NET1: variants seen among roughly 807,000 people sequenced by gnomAD.
NET1 encodes the protein neuroepithelial cell transforming 1.
A neutral mutation model predicts 61.1 loss-of-function variants in NET1; 42 were observed. The ratio of observed to expected loss-of-function variants is 0.69; its 90% CI spans 0.54 to 0.89. The LOEUF (loss-of-function observed/expected upper bound fraction) is 0.89. Among genes scored for constraint, NET1 ranks in the 40% least tolerant of loss-of-function variants. NET1 has a pLI of 0.00. For missense variants in NET1, 654 were observed against 747.3 expected, an observed-to-expected ratio of 0.88 and a Z score of 1.46; for synonymous variants, 254 against 281.8, an observed-to-expected ratio of 0.90 and a Z score of 0.99.
rs771263553 is a variant in NET1, at chr10:5,454,230, G to A, written c.769-35G>A. ...TTGTTAATGCACTCGGTCATAACAG[G>A]AACACATCATACCTTTTCTTTTATT... On this transcript the variant is annotated intron_variant, in intron 8 of 11. Transcript: ENST00000355029. This position sits in a 1 kb window ranked among gnomAD's most constrained non-coding sequence, Gnocchi z 8.1. The A allele has an allele frequency of 1.9e-6, 3 of 1,590,652 alleles. No individual in the cohort carries two copies. The East Asian group carries it at 6.7e-5, about 36-fold the overall frequency.
Position 5,426,251 on chromosome 10 carries a change from T to G in NET1, c.129-404T>G, listed in dbSNP as rs1364443874. On this transcript the variant is annotated intron_variant, in intron 1 of 11. Transcript: ENST00000355029. The surrounding 1 kb of genome is among the most constrained non-coding windows in gnomAD (Gnocchi z 4.6). Reference sequence around the variant, plus strand: ...GTTAAGAGTATCCTTTTATTTTTGTTTTTTAAAATACTATACGTGAATATG... The same window carrying G: ...GTTAAGAGTATCCTTTTATTTTTGTGTTTTAAAATACTATACGTGAATATG... Among the ~76,000 whole-genome samples, 1 of 152,182 alleles carries G rather than the reference T, an allele frequency of 6.6e-6. No homozygotes were observed. The highest frequency in any genetic ancestry group is 1.9e-4 in the East Asian group (1 of 5,202).
Position 5,453,152 on chromosome 10 carries a change from G to A in NET1, c.595-98G>A, listed in dbSNP as rs898464082. 1.5e-4 allele frequency: 120 copies of A among 810,454 alleles called. No homozygotes were observed. The highest frequency in any genetic ancestry group is 2.8e-4 in the Middle Eastern group (1 of 3,518). 50.2% of individuals were successfully genotyped at this position (810,454 alleles called of 1,614,324 possible). A position where few individuals can be genotyped will look rare whatever the true frequency, so the allele number is the denominator to read the frequency against. On this transcript the variant is annotated intron_variant, in intron 6 of 11. Transcript: ENST00000355029. The surrounding 1 kb of genome is among the most constrained non-coding windows in gnomAD (Gnocchi z 4.9). ...TTTATGTGTAGCAAACAGAATCCAC[G>A]CTAGCTTTTATGTAATTAATTCTCT...
chr10:5,445,131 A>C (rs2119201629), intron 3 of NET1, among the ~76,000 whole-genome samples: 1 of 152,080 alleles, frequency 6.6e-6, no homozygotes, highest in African/African-American at 2.4e-5. Flanking sequence ...TATCTCTCTC[A>C]CCTATTGAGT....
In NET1 at chr10:5,452,625, A is replaced by C. The variant is rs180982299; in HGVS notation, c.531+100A>C. 45 of 1,257,184 alleles carry C rather than the reference A, an allele frequency of 3.6e-5. No homozygotes were observed. The African/African-American group carries it at 6.5e-4, about 18-fold the overall frequency. 77.9% of individuals were successfully genotyped at this position (1,257,184 alleles called of 1,614,324 possible). A position where few individuals can be genotyped will look rare whatever the true frequency, so the allele number is the denominator to read the frequency against. On this transcript the variant is annotated intron_variant, in intron 5 of 11. Transcript: ENST00000355029. This position sits in a 1 kb window ranked among gnomAD's most constrained non-coding sequence, Gnocchi z 4.0. ...TTTTGTGTTTGAGCAACAATTCCTAATACATGGTGAACAAAACCTAATGAT... is the reference window on the plus strand; with the variant it reads ...TTTTGTGTTTGAGCAACAATTCCTACTACATGGTGAACAAAACCTAATGAT...
chr10:5,412,665 G>A lies in NET1; in HGVS notation c.-28G>A. 1 of 1,454,540 alleles carries A rather than the reference G, an allele frequency of 6.9e-7. No homozygotes were observed. Among genetic ancestry groups the A allele is most frequent in the Middle Eastern group, 2.3e-4 (1 of 4,298 alleles). 90.1% of individuals were successfully genotyped at this position (1,454,540 alleles called of 1,614,324 possible). On this transcript the variant is annotated 5_prime_UTR_variant, in exon 1 of 12. Coordinates refer to ENST00000355029, the MANE Select transcript of NET1 (RefSeq NM_001047160.3). This position sits in a 1 kb window ranked among gnomAD's most constrained non-coding sequence, Gnocchi z 6.5. ...TCCCTGCCGGTCTCCCGGGCACCCG[G>A]CCACCGCCCCACCCCCTCCTCCGTG...
At chr10:5,429,817 C>G (rs532523390) in intron 3 of NET1, among the ~76,000 whole-genome samples, 2 of 152,146 alleles carry the variant, frequency 1.3e-5, no homozygotes, top group Non-Finnish European at 2.9e-5. Flanking sequence ...TTTGGAATTA[C>G]TAACATCATT....
chr10:5,413,406 C>A (rs1832033773), intron 1 of NET1, among the ~76,000 whole-genome samples: 1 of 152,166 alleles, frequency 6.6e-6, no homozygotes, highest in Non-Finnish European at 1.5e-5. Context: ...TCATCACAAC[C>A]ATTTTCGTGT....
At chr10:5,413,692 TGG>T (rs1385178750) in intron 1 of NET1, among the ~76,000 whole-genome samples, 1 of 152,202 alleles carries the variant, frequency 6.6e-6, no homozygotes, top group Non-Finnish European at 1.5e-5. Context: ...AAATTAAATT[TGG>T]TAATGAGAAG....
chr10:5,454,506 A>T lies in NET1; in HGVS notation c.1010A>T (p.Gln337Leu), dbSNP rs1328752255. The T allele has an allele frequency of 3.7e-6, 6 of 1,613,392 alleles. No individual in the cohort carries two copies. In the African/African-American group the frequency reaches 8.0e-5, roughly 22 times the overall value. Residue 337 changes from glutamine to leucine, a missense_variant, in exon 9 of 12, where the codon CAG (glutamine) becomes CTG (leucine). By Grantham distance (113) the Gln-to-Leu change is moderately radical (BLOSUM62 -2). Transcript: ENST00000355029. This position sits in a 1 kb window ranked among gnomAD's most constrained non-coding sequence, Gnocchi z 8.1. The part of the protein sequence containing the change: ...KHTPKEHPDV[Q>L]LLEDAILIIQ... Reference sequence around the variant, plus strand: ...ACTCCAAAAGAGCACCCTGATGTTCAGCTTCTGGAGGATGCTGTAAGTAGT... The same window carrying T: ...ACTCCAAAAGAGCACCCTGATGTTCTGCTTCTGGAGGATGCTGTAAGTAGT...
At position 5,440,487 on chromosome 10, in the gene NET1, G is replaced by A. The variant is rs1182898257; in HGVS notation, c.255+11258G>A. On this transcript the variant is annotated intron_variant, in intron 3 of 11. Transcript: ENST00000355029. This position sits in a 1 kb window ranked among gnomAD's most constrained non-coding sequence, Gnocchi z 4.1. ...ATTTACCACAGTCCACCTCATTATTGTAAGAGGCACTCAGATAAACAGAAT... is the reference window on the plus strand; with the variant it reads ...ATTTACCACAGTCCACCTCATTATTATAAGAGGCACTCAGATAAACAGAAT... 6.6e-6 allele frequency among the ~76,000 whole-genome samples: 1 copy of A among 152,154 alleles called. No homozygotes were observed. The highest frequency in any genetic ancestry group is 2.4e-5 in the African/African-American group (1 of 41,416).
At position 5,425,275 on chromosome 10, in the gene NET1, AAC is replaced by A. The variant is rs1398407977; in HGVS notation, c.129-1378_129-1377del. Among the ~76,000 whole-genome samples the A allele has an allele frequency of 9.4e-4, 143 of 152,248 alleles. 1 individual carries two copies. The highest frequency in any genetic ancestry group is 3.2e-3 in the African/African-American group (134 of 41,542). ...TTGTCGGAAAAAAAACAAAAACAAC[AAC>A]AACAACAAAATTTCTCCTTCATATT... On this transcript the variant is annotated intron_variant, in intron 1 of 11. Coordinates refer to ENST00000355029, the MANE Select transcript of NET1 (RefSeq NM_001047160.3).
Position 5,416,791 on chromosome 10 carries a change from G to A in NET1, c.128+3971G>A, listed in dbSNP as rs1832088737. Among the ~76,000 whole-genome samples the A allele has an allele frequency of 6.6e-6, 1 of 152,164 alleles. No individual in the cohort carries two copies. Among genetic ancestry groups the A allele is most frequent in the Non-Finnish European group, 1.5e-5 (1 of 68,036 alleles). On this transcript the variant is annotated intron_variant, in intron 1 of 11. Transcript: ENST00000355029. This position sits in a 1 kb window ranked among gnomAD's most constrained non-coding sequence, Gnocchi z 6.1. ...GGGAACATATAGATAGGCAGGCTGT[G>A]GGGCTCCAACCCCATAGCCATGTCT... is the stretch of plus-strand genomic sequence containing the variant.
In NET1 at chr10:5,452,940, T is replaced by G; in HGVS notation, c.594+20T>G. 1 of 1,464,382 alleles carries G rather than the reference T, an allele frequency of 6.8e-7. No homozygotes were observed. The highest frequency in any genetic ancestry group is 9.6e-7 in the Non-Finnish European group (1 of 1,045,192). 90.7% of individuals were successfully genotyped at this position (1,464,382 alleles called of 1,614,324 possible). On this transcript the variant is annotated intron_variant, in intron 6 of 11. Transcript: ENST00000355029. The surrounding 1 kb of genome is among the most constrained non-coding windows in gnomAD (Gnocchi z 4.0). ...AGAAAGGTCAGTAAATAACTTTTTA[T>G]CAGATGCCCTAGTTTTTAAAAATTA...
At position 5,453,436 on chromosome 10, in the gene NET1, T is replaced by C; in HGVS notation, c.692-48T>C. The C allele has an allele frequency of 6.2e-7, 1 of 1,601,376 alleles. No homozygotes were observed. Among genetic ancestry groups the C allele is most frequent in the Non-Finnish European group, 8.6e-7 (1 of 1,168,388 alleles). On this transcript the variant is annotated intron_variant, in intron 7 of 11. Coordinates refer to ENST00000355029, the MANE Select transcript of NET1 (RefSeq NM_001047160.3). This position sits in a 1 kb window ranked among gnomAD's most constrained non-coding sequence, Gnocchi z 4.9. The stretch of plus-strand genomic sequence containing the variant: ...AACTTCTAATGTAGTGCTGACCTAT[T>C]TTTTAAATAAACCTGTTAATGGTGT...
intron 3 of NET1, among the ~76,000 whole-genome samples, chr10:5,436,742 G>A (rs1832444561): frequency 6.6e-6 from 1 of 152,084 alleles, no homozygotes; most frequent in Admixed American, 6.5e-5. Flanking sequence ...ACCATGACAG[G>A]TAATTTGATC....
chr10:5,453,500 A>G lies in NET1; in HGVS notation c.708A>G (p.Ile236Met). Residue 236 changes from isoleucine to methionine, a missense_variant, in exon 8 of 12, where the codon ATA becomes ATG. By Grantham distance (10) the Ile-to-Met change is conservative (BLOSUM62 1). Coordinates refer to ENST00000355029, the MANE Select transcript of NET1 (RefSeq NM_001047160.3). This position sits in a 1 kb window ranked among gnomAD's most constrained non-coding sequence, Gnocchi z 4.9. Reference sequence around the variant, plus strand: ...TCACTTCAGATTTGTTGACAAGAATAGGAGAAGCAACCAAGCCTGATGGAA... The same window carrying G: ...TCACTTCAGATTTGTTGACAAGAATGGGAGAAGCAACCAAGCCTGATGGAA... ...IPLHEDLLTR[I>M]GEATKPDGTV... 1 of 1,614,188 alleles carries G rather than the reference A, an allele frequency of 6.2e-7. No individual in the cohort carries two copies. Among genetic ancestry groups the G allele is most frequent in the South Asian group, 1.1e-5 (1 of 91,080 alleles).
At position 5,420,261 on chromosome 10, in the gene NET1, A is replaced by G. The variant is rs1832149851; in HGVS notation, c.129-6394A>G. 1.3e-5 allele frequency among the ~76,000 whole-genome samples: 2 copies of G among 152,342 alleles called. No homozygotes were observed. Among genetic ancestry groups the G allele is most frequent in the South Asian group, 4.1e-4 (2 of 4,826 alleles). On this transcript the variant is annotated intron_variant, in intron 1 of 11. Coordinates refer to ENST00000355029, the MANE Select transcript of NET1 (RefSeq NM_001047160.3). This position sits in a 1 kb window ranked among gnomAD's most constrained non-coding sequence, Gnocchi z 5.3. ...GTAATGGGCAAGTATACATGGATGTATGTACAAGAAAGTATATCCTAGCAC... is the reference window on the plus strand; with the variant it reads ...GTAATGGGCAAGTATACATGGATGTGTGTACAAGAAAGTATATCCTAGCAC...
In NET1 at chr10:5,412,961, G is replaced by C. The variant is rs1832025026; in HGVS notation, c.128+141G>C. 7 of 620,896 alleles carry C rather than the reference G, an allele frequency of 1.1e-5. No homozygotes were observed. In the East Asian group the frequency reaches 3.8e-4, roughly 34 times the overall value. The allele number at this position is 620,896 out of a possible 1,614,324, so 38.5% of individuals were successfully genotyped here. A position where few individuals can be genotyped will look rare whatever the true frequency, so the allele number is the denominator to read the frequency against. ...GTTGGATGTGGGGGGCGGCGAGTGGGGGTGTTGGTGAGGGCCAGGGGGAGG... is the reference window on the plus strand; with the variant it reads ...GTTGGATGTGGGGGGCGGCGAGTGGCGGTGTTGGTGAGGGCCAGGGGGAGG... On this transcript the variant is annotated intron_variant, in intron 1 of 11. Transcript: ENST00000355029. This position sits in a 1 kb window ranked among gnomAD's most constrained non-coding sequence, Gnocchi z 6.5.
Position 5,412,766 on chromosome 10 carries a change from C to G in NET1, c.74C>G (p.Thr25Arg), listed in dbSNP as rs544068938. The G allele has an allele frequency of 1.4e-6, 2 of 1,468,346 alleles. No homozygotes were observed. The highest frequency in any genetic ancestry group is 1.5e-5 in the African/African-American group (1 of 67,794). 91.0% of individuals were successfully genotyped at this position (1,468,346 alleles called of 1,614,324 possible). A position where few individuals can be genotyped will look rare whatever the true frequency, so the allele number is the denominator to read the frequency against. ...AGCCGCCGGGCCTCTGGGCTCAGCA[C>G]GGAGGGAGCGACGGGGCCTTCGGCC... Reference protein sequence around the residue: ...RRSRRASGLSTEGATGPSADT... With the variant: ...RRSRRASGLSREGATGPSADT... Residue 25 changes from threonine to arginine, a missense_variant, in exon 1 of 12, where the codon ACG (threonine) becomes AGG (arginine). Transcript: ENST00000355029. The surrounding 1 kb of genome is among the most constrained non-coding windows in gnomAD (Gnocchi z 6.5).
Sources: allele counts gnomAD v4.1 joint callset (sites outside exome capture counted in the v4.1 genomes callset), GRCh38; gene constraint gnomAD v4.1.1; non-coding constraint Gnocchi (gnomAD v3.1); transcripts MANE v1.5; gene names NCBI Gene and HGNC (gene_info 2026-07-23, HGNC 2026-07-21).